The following DOP1B variants were observed in gnomAD, a reference collection of about 807,000 sequenced individuals.
The protein encoded by DOP1B is DOP1 leucine zipper like protein B.
DOP1B carries 174 observed loss-of-function variants against 233.5 expected under a neutral mutation model. That is an observed-to-expected ratio of 0.75 (90% CI 0.66 to 0.85). The LOEUF (loss-of-function observed/expected upper bound fraction) is 0.85. Among genes scored for constraint, DOP1B ranks in the 40% least tolerant of loss-of-function variants. The pLI, the probability that DOP1B is intolerant of heterozygous loss-of-function variation, is 0.00. For synonymous variants in DOP1B, 1,190 were observed against 1,185.6 expected (o/e 1.00, Z -0.08); for missense variants, 2,652 against 2,846.6 (o/e 0.93, Z 1.56).
chr21:36,200,812 C>T (rs1176184104), intron 4 of DOP1B, among the ~76,000 whole-genome samples: 2 of 151,062 alleles, frequency 1.3e-5, no homozygotes, highest in Non-Finnish European at 2.9e-5. Flanking sequence ...CACTGCACTC[C>T]AGCCTGGACA....
chr21:36,182,950 T>C (rs563176663), intron 2 of DOP1B, among the ~76,000 whole-genome samples: 6 of 152,328 alleles, frequency 3.9e-5, no homozygotes, highest in African/African-American at 1.4e-4. Context: ...AGCCCTGGTT[T>C]CCCAGCCTTG....
At chr21:36,276,273 A>G (rs1460611239) in intron 27 of DOP1B, among the ~76,000 whole-genome samples, 1 of 152,122 alleles carries the variant, frequency 6.6e-6, no homozygotes, top group Non-Finnish European at 1.5e-5. Flanking sequence ...GCTCACACCT[A>G]TAGTCCTAGC....
chr21:36,285,694 A>G (rs960929732), intron 32 of DOP1B, among the ~76,000 whole-genome samples: 4 of 151,986 alleles, frequency 2.6e-5, no homozygotes, highest in African/African-American at 9.7e-5. Context: ...GAAGTGTCCC[A>G]TAGTAAATAG....
chr21:36,176,123 G>GTGTGTGTGTGTGTGTGTGTGT (rs2066027566), intron 2 of DOP1B, among the ~76,000 whole-genome samples: 1 of 11,940 alleles, frequency 8.4e-5, no homozygotes, highest in Non-Finnish European at 2.1e-4. Flanking sequence ...TGTGTGTGTG[G>GTGTGTGTGTGTGTGTGTGTGT]TGATACAGTT....
chr21:36,245,693 G>A lies in DOP1B; in HGVS notation c.3713G>A (p.Arg1238Gln), dbSNP rs771893811. ...ILLYLQPYDS[R>Q]RVLYAFSVLE... ...CTCTACCTGCAGCCCTACGACTCTC[G>A]GCGGGTCCTCTATGCCTTCTCGGTG... Residue 1238 changes from arginine to glutamine, a missense_variant, in exon 19 of 37, where the codon CGG becomes CAG. This residue lies in a region of DOP1B where 2,617 missense variants were observed against 2,794.3 expected (regional missense o/e 0.94). Transcript: ENST00000691173. The surrounding 1 kb of genome is among the most constrained non-coding windows in gnomAD (Gnocchi z 5.5). 2.9e-5 allele frequency: 47 copies of A among 1,613,566 alleles called. No individual in the cohort carries two copies. Among genetic ancestry groups the A allele is most frequent in the East Asian group, 8.9e-5 (4 of 44,876 alleles).
Position 36,245,668 on chromosome 21 carries a change from C to T in DOP1B, c.3688C>T (p.Leu1230Phe). 6.2e-7 allele frequency: 1 copy of T among 1,613,752 alleles called. No homozygotes were observed. Among genetic ancestry groups the T allele is most frequent in the Non-Finnish European group, 8.5e-7 (1 of 1,180,020 alleles). ...AVEALFKHIL[L>F]YLQPYDSRRV... ...CGAGGCCTTGTTCAAGCACATCCTGCTCTACCTGCAGCCCTACGACTCTCG... is the reference window on the plus strand; with the variant it reads ...CGAGGCCTTGTTCAAGCACATCCTGTTCTACCTGCAGCCCTACGACTCTCG... The change falls in exon 19 of 37, where the codon CTC (leucine) becomes TTC (phenylalanine). Residue 1230 changes from leucine to phenylalanine, a missense_variant. Coordinates refer to ENST00000691173, the MANE Select transcript of DOP1B (RefSeq NM_001320714.2). The surrounding 1 kb of genome is among the most constrained non-coding windows in gnomAD (Gnocchi z 5.5).
rs369890994 is a variant in DOP1B at position 36,289,105 on chromosome 21, G to T, written c.6414G>T (p.Val2138=). 1.0e-4 allele frequency: 165 copies of T among 1,613,916 alleles called. 6 individuals carry two copies. The highest frequency in any genetic ancestry group is 7.4e-4 in the East Asian group (33 of 44,894). The stretch of plus-strand genomic sequence containing the variant: ...TCCCGGATGCAAATGGACCCTCAGT[G>T]GGGGAGATACCCCAGAGTGAACTCA... The part of the protein sequence containing the change: ...VSVPDANGPS[V]GEIPQSELIL... The change falls in exon 35 of 37, where the codon GTG becomes GTT. Residue 2138 remains valine (V), a synonymous_variant. Coordinates refer to ENST00000691173, the MANE Select transcript of DOP1B (RefSeq NM_001320714.2).
chr21:36,194,251 G>T (rs2066263486), intron 2 of DOP1B, among the ~76,000 whole-genome samples: 1 of 152,150 alleles, frequency 6.6e-6, no homozygotes, highest in Non-Finnish European at 1.5e-5. Context: ...AGCAAGTTCT[G>T]TCTGGCCAAA....
At chr21:36,224,663 C>T (rs1426287092) in intron 11 of DOP1B, among the ~76,000 whole-genome samples, 2 of 151,076 alleles carry the variant, frequency 1.3e-5, no homozygotes, top group Non-Finnish European at 2.9e-5. Context: ...TTAATTTATT[C>T]ATCCCAGGGT....
chr21:36,267,556 C>T (rs1349192039), intron 26 of DOP1B, among the ~76,000 whole-genome samples: 3 of 151,552 alleles, frequency 2.0e-5, no homozygotes, highest in Non-Finnish European at 4.4e-5. Flanking sequence ...TGGTGGCATG[C>T]ACCTGTAGTC....
intron 22 of DOP1B, 37 bp from the exon 23 acceptor site, chr21:36,253,735 C>T: frequency 1.9e-6 from 3 of 1,603,152 alleles, no homozygotes; most frequent in Non-Finnish European, 2.6e-6. Context: ...TACTTTCTCT[C>T]TATAAGCTTT....
chr21:36,278,755 G>C (rs1431025675), intron 30 of DOP1B, among the ~76,000 whole-genome samples: 1 of 152,096 alleles, frequency 6.6e-6, no homozygotes, highest in African/African-American at 2.4e-5. Context: ...TGTAGTTCCA[G>C]CTACTCGGGA....
chr21:36,287,172 T>C (rs1426263033), intron 32 of DOP1B, among the ~76,000 whole-genome samples: 1 of 152,078 alleles, frequency 6.6e-6, no homozygotes, highest in Non-Finnish European at 1.5e-5. Context: ...TAGAGAGTGT[T>C]ATTTGAAACA....
chr21:36,285,659 G>C (rs1266956697), intron 32 of DOP1B, among the ~76,000 whole-genome samples: 1 of 151,996 alleles, frequency 6.6e-6, no homozygotes, highest in Non-Finnish European at 1.5e-5. Context: ...GCCTCAGAGA[G>C]GTAGATGCAT....
chr21:36,274,384 G>A (rs1278333601), intron 27 of DOP1B, among the ~76,000 whole-genome samples: 2 of 152,170 alleles, frequency 1.3e-5, no homozygotes, highest in African/African-American at 4.8e-5. Context: ...AGCCAAGGAT[G>A]ACAGGTTTTT....
intron 4 of DOP1B, 35 bp from the exon 5 acceptor site, chr21:36,208,680 G>A: frequency 1.3e-6 from 2 of 1,597,112 alleles, no homozygotes; most frequent in Non-Finnish European, 1.7e-6. Context: ...GGAAGATGGG[G>A]CGAGCCCTTG....
At position 36,225,595 on chromosome 21, in the gene DOP1B, C is replaced by T. The variant is rs1746018247; in HGVS notation, c.1401C>T (p.Asn467=). The part of the protein sequence containing the change: ...RPVKQRYSVR[N]SVSPPPTVSE... ...TGAAGCAGCGTTACAGCGTGAGGAA[C>T]AGCGTCAGCCCTCCCCCCACGGTCT... Residue 467 remains asparagine (N), a synonymous_variant, in exon 12 of 37, where the codon AAC becomes AAT. Transcript: ENST00000691173. 1 of 1,613,990 alleles carries T rather than the reference C, an allele frequency of 6.2e-7. No individual in the cohort carries two copies. The highest frequency in any genetic ancestry group is 1.3e-5 in the African/African-American group (1 of 74,922).
chr21:36,200,499 C>T lies in DOP1B; in HGVS notation c.489C>T (p.Asp163=), dbSNP rs149183598. ...TTGAAGAGGGCTCCGAGATCTCCGA[C>T]AGGTGCGTGGGCGTCTTGTCCAGGC... is the stretch of plus-strand genomic sequence containing the variant. ...PGLEEGSEIS[D]RTDALLLRLS... The change falls in exon 4 of 37, where the codon GAC becomes GAT. Residue 163 remains aspartate, a splice_region_variant and synonymous_variant. Coordinates refer to ENST00000691173, the MANE Select transcript of DOP1B (RefSeq NM_001320714.2). The T allele has an allele frequency of 6.2e-5, 100 of 1,605,296 alleles. No homozygotes were observed. In the African/African-American group the frequency reaches 1.1e-3, roughly 18 times the overall value.
At chr21:36,222,276 G>T (rs1191051724) in intron 10 of DOP1B, among the ~76,000 whole-genome samples, 7 of 151,940 alleles carry the variant, frequency 4.6e-5, no homozygotes, top group African/African-American at 9.7e-5. Context: ...AATTTCCTGA[G>T]CCATAGAAGA....
Sources: gnomAD v4.1 joint callset for allele counts (sites outside exome capture counted in the v4.1 genomes callset) on GRCh38, gnomAD v4.1.1 for gene constraint, gnomAD v4.1.1 regional missense constraint, Gnocchi (gnomAD v3.1) non-coding constraint, MANE v1.5 for transcripts, NCBI Gene and HGNC (gene_info 2026-07-23, HGNC 2026-07-21) for gene names.